TENM1: variants seen among roughly 807,000 people sequenced by gnomAD.
TENM1 encodes teneurin-1.
TENM1 carries 35 observed loss-of-function variants against 174.8 expected under a neutral mutation model. That is an observed-to-expected ratio of 0.20 (90% confidence interval 0.15 to 0.27). The LOEUF (loss-of-function observed/expected upper bound fraction) is 0.27. TENM1 is among the 10% of genes least tolerant of loss of function. TENM1 has a pLI of 1.00. For missense variants in TENM1, 1,633 were observed against 2,130.1 expected (o/e 0.77, Z 4.59); for synonymous variants, 781 against 798.7 (o/e 0.98, Z 0.37).
chrX:124,864,895 C>T (rs2056975479), intron 3 of TENM1, among the ~76,000 whole-genome samples: 1 of 111,036 alleles, frequency 9.0e-6, no homozygotes. Flanking sequence ...TATAATGAAA[C>T]TCCAATATGT....
intron 23 of TENM1, among the ~76,000 whole-genome samples, chrX:124,448,910 G>A (rs1447395193): frequency 8.9e-6 from 1 of 111,784 alleles, no homozygotes; most frequent in Non-Finnish European, 1.9e-5. Flanking sequence ...GACCAGCAGA[G>A]GTACTTCCAG....
chrX:125,038,968 C>T, the TENM1 span, among the ~76,000 whole-genome samples: 2 of 111,661 alleles, frequency 1.8e-5, no homozygotes, highest in Non-Finnish European at 3.8e-5. Flanking sequence ...AAGGGACTGA[C>T]TTCTTCATGT....
intron 12 of TENM1, among the ~76,000 whole-genome samples, chrX:124,565,047 C>A (rs1013604277): frequency 1.8e-5 from 2 of 111,992 alleles, no homozygotes; most frequent in African/African-American, 6.5e-5. Flanking sequence ...GAGAATGTTA[C>A]CTTCACTACA....
At chrX:124,539,893 A>G (rs980628652) in intron 15 of TENM1, among the ~76,000 whole-genome samples, 1 of 111,640 alleles carries the variant, frequency 9.0e-6, no homozygotes, top group African/African-American at 3.3e-5. Context: ...AATTAGTCCC[A>G]TCTCTGGATT....
At chrX:125,168,528 C>T in the TENM1 span, among the ~76,000 whole-genome samples, 1 of 111,436 alleles carries the variant, frequency 9.0e-6, no homozygotes, top group Non-Finnish European at 1.9e-5. Context: ...CAGAATATGG[C>T]AAAGGCAAAA....
At chrX:125,171,047 T>A in the TENM1 span, among the ~76,000 whole-genome samples, 12 of 111,248 alleles carry the variant, frequency 1.1e-4, no homozygotes, top group South Asian at 4.5e-3. Flanking sequence ...ACTGTTCTTA[T>A]TAAATTATAT....
At chrX:125,098,372 G>A in the TENM1 span, among the ~76,000 whole-genome samples, 2 of 112,266 alleles carry the variant, frequency 1.8e-5, no homozygotes, top group Admixed American at 9.4e-5. Context: ...ATAAATATTT[G>A]TTGAGTGGGA....
At chrX:124,867,073 A>C (rs1320039581) in intron 3 of TENM1, among the ~76,000 whole-genome samples, 3 of 111,630 alleles carry the variant, frequency 2.7e-5, no homozygotes, top group African/African-American at 9.8e-5. Context: ...AAGAAGAACT[A>C]ATATGAATCC....
At chrX:124,806,076 A>C (rs1161117808) in intron 3 of TENM1, among the ~76,000 whole-genome samples, 1 of 112,140 alleles carries the variant, frequency 8.9e-6, no homozygotes, top group East Asian at 2.8e-4. Context: ...AATTAAAATA[A>C]ATGAGAAAAA....
chrX:124,471,231 CTA>C (rs1212385933), intron 22 of TENM1, among the ~76,000 whole-genome samples: 3 of 57,424 alleles, frequency 5.2e-5, no homozygotes, highest in African/African-American at 2.3e-4. Context: ...ATATATAGTA[CTA>C]TATATAATAT....
At chrX:125,192,324 G>A in the TENM1 span, among the ~76,000 whole-genome samples, 1 of 112,204 alleles carries the variant, frequency 8.9e-6, no homozygotes, top group African/African-American at 3.2e-5. Flanking sequence ...CCAATAAATA[G>A]TGACCAAATC....
At chrX:124,916,074 T>C (rs1329131822) in intron 1 of TENM1, among the ~76,000 whole-genome samples, 1 of 111,822 alleles carries the variant, frequency 8.9e-6, no homozygotes, top group East Asian at 2.8e-4. Flanking sequence ...GGTGGAATGT[T>C]TGGCTTACAG....
At chrX:125,092,415 G>A in the TENM1 span, among the ~76,000 whole-genome samples, 1 of 111,941 alleles carries the variant, frequency 8.9e-6, no homozygotes, top group Non-Finnish European at 1.9e-5. Flanking sequence ...GCCAAAAGAA[G>A]TTGTAGAACT....
intron 11 of TENM1, among the ~76,000 whole-genome samples, chrX:124,591,882 T>C (rs1166919333): frequency 8.9e-6 from 1 of 112,296 alleles, no homozygotes; most frequent in Non-Finnish European, 1.9e-5. Context: ...GGTTGCTATA[T>C]ATAATCCCAT....
chrX:124,845,508 T>C (rs1401909869), intron 3 of TENM1, among the ~76,000 whole-genome samples: 1 of 111,911 alleles, frequency 8.9e-6, no homozygotes, highest in African/African-American at 3.2e-5. Context: ...CAATATGTAA[T>C]GTGTAGTAAC....
intron 11 of TENM1, among the ~76,000 whole-genome samples, chrX:124,614,849 C>T (rs1230896823): frequency 8.9e-6 from 1 of 112,209 alleles, no homozygotes; most frequent in Non-Finnish European, 1.9e-5. Context: ...CGCCAATGCA[C>T]TCCACCCTGG....
chrX:125,107,252 C>T, the TENM1 span, among the ~76,000 whole-genome samples: 224 of 111,933 alleles, frequency 2.0e-3, 1 homozygote, highest in African/African-American at 7.0e-3. Flanking sequence ...ATTTAAACAG[C>T]TATATTGTAA....
intron 1 of TENM1, among the ~76,000 whole-genome samples, chrX:124,950,913 G>C (rs1603289450): frequency 1.8e-5 from 2 of 111,635 alleles, no homozygotes; most frequent in African/African-American, 6.5e-5. Context: ...ACTGTGAAAA[G>C]TCTGTTTAGT....
chrX:124,429,436 G>A (rs749452770), intron 23 of TENM1, among the ~76,000 whole-genome samples: 1 of 110,887 alleles, frequency 9.0e-6, no homozygotes, highest in Admixed American at 9.7e-5. Flanking sequence ...GTGGTTAAGT[G>A]TCATGAGTGC....
Sources: allele counts gnomAD v4.1 joint callset (sites outside exome capture counted in the v4.1 genomes callset), GRCh38; gene constraint gnomAD v4.1.1; transcripts MANE v1.5; gene names NCBI Gene and HGNC (gene_info 2026-07-23, HGNC 2026-07-21).